DOK6: variants seen among roughly 807,000 people sequenced by gnomAD.
The protein encoded by DOK6 is downstream of tyrosine kinase 6.
A neutral mutation model predicts 44.0 loss-of-function variants in DOK6; 22 were observed. The observed-to-expected ratio is 0.50, with a 90% CI of 0.36 to 0.71. The LOEUF (loss-of-function observed/expected upper bound fraction) is 0.71, where lower values mean the gene tolerates loss of function less well. DOK6 is among the 30% of genes least tolerant of loss of function. The pLI, the probability that DOK6 is intolerant of heterozygous loss-of-function variation, is 0.00. For synonymous variants in DOK6, 166 were observed against 145.5 expected, an observed-to-expected ratio of 1.14 and a Z score of -1.01; for missense variants, 340 against 416.4, an observed-to-expected ratio of 0.82 and a Z score of 1.60.
At chr18:69,699,353 A>G (rs1389828452) in intron 5 of DOK6, among the ~76,000 whole-genome samples, 1 of 152,194 alleles carries the variant, frequency 6.6e-6, no homozygotes, top group Non-Finnish European at 1.5e-5. Flanking sequence ...ATTTGATATA[A>G]TATTTTTAAG....
chr18:69,675,104 T>A (rs1231913563), intron 3 of DOK6, among the ~76,000 whole-genome samples: 1 of 152,244 alleles, frequency 6.6e-6, no homozygotes, highest in Non-Finnish European at 1.5e-5. Context: ...TATCTGCTGG[T>A]AGGAGCCCAT....
intron 5 of DOK6, chr18:69,721,329 G>A (rs1033260353): frequency 3.3e-5 from 5 of 152,188 alleles, no homozygotes; most frequent in East Asian, 1.9e-4. Context: ...CCTGAAGAGC[G>A]AGAATTTTAT....
intron 7 of DOK6, among the ~76,000 whole-genome samples, chr18:69,762,087 G>A (rs1979575429): frequency 6.6e-6 from 1 of 152,186 alleles, no homozygotes; most frequent in Non-Finnish European, 1.5e-5. Flanking sequence ...TTGGCAGAAG[G>A]ATTGCTTGAG....
intron 3 of DOK6, among the ~76,000 whole-genome samples, chr18:69,677,418 ATTATT>A (rs1011046909): frequency 1.3e-5 from 2 of 151,486 alleles, no homozygotes; most frequent in African/African-American, 4.8e-5. Context: ...TGGCTAATTT[ATTATT>A]TTAAGTAAAT....
intron 3 of DOK6, among the ~76,000 whole-genome samples, chr18:69,645,952 C>T (rs1296668439): frequency 1.3e-5 from 2 of 152,044 alleles, no homozygotes; most frequent in Non-Finnish European, 2.9e-5. Context: ...ATTTTGTGAT[C>T]GAGGAGTCTG....
intron 7 of DOK6, among the ~76,000 whole-genome samples, chr18:69,825,264 A>G (rs1259083634): frequency 6.6e-6 from 1 of 152,154 alleles, no homozygotes; most frequent in Non-Finnish European, 1.5e-5. Context: ...CATTAAGTCA[A>G]TGTTATTAAT....
At chr18:69,640,369 G>T (rs901939096) in intron 3 of DOK6, among the ~76,000 whole-genome samples, 4 of 152,078 alleles carry the variant, frequency 2.6e-5, no homozygotes, top group African/African-American at 7.2e-5. Flanking sequence ...TTCATGAGAG[G>T]TACAATTGTA....
chr18:69,698,486 C>A lies in DOK6; in HGVS notation c.492C>A (p.Ile164=). The A allele has an allele frequency of 6.2e-7, 1 of 1,614,116 alleles. No individual in the cohort carries two copies. Among genetic ancestry groups the A allele is most frequent in the Non-Finnish European group, 8.5e-7 (1 of 1,179,970 alleles). The change falls in exon 5 of 8, where the codon ATC becomes ATA. Residue 164 remains isoleucine, a synonymous_variant. Coordinates refer to ENST00000382713, the MANE Select transcript of DOK6 (RefSeq NM_152721.6). ...ECTMQITHEN[I]YLWDIHNAKV... ...CAATGCAGATCACTCATGAAAATAT[C>A]TATCTCTGGGATATCCACAATGCCA...
intron 5 of DOK6, among the ~76,000 whole-genome samples, chr18:69,720,031 A>C (rs1358307042): frequency 6.6e-6 from 1 of 152,138 alleles, no homozygotes; most frequent in Non-Finnish European, 1.5e-5. Context: ...TCTACTAAAA[A>C]TACAAAAATT....
At chr18:69,626,488 G>T (rs1298658898) in intron 3 of DOK6, among the ~76,000 whole-genome samples, 1 of 152,156 alleles carries the variant, frequency 6.6e-6, no homozygotes, top group Non-Finnish European at 1.5e-5. Context: ...TAGGAATACA[G>T]CTGCAAACAA....
intron 3 of DOK6, among the ~76,000 whole-genome samples, chr18:69,657,267 A>G (rs933327229): frequency 1.3e-5 from 2 of 152,006 alleles, no homozygotes; most frequent in African/African-American, 4.8e-5. Context: ...AGAATATTAA[A>G]CCTCCCTTTC....
At chr18:69,735,928 A>G (rs1016137767) in intron 5 of DOK6, among the ~76,000 whole-genome samples, 2 of 152,174 alleles carry the variant, frequency 1.3e-5, no homozygotes, top group Admixed American at 1.3e-4. Flanking sequence ...GCCCACTATC[A>G]CATATATTAC....
chr18:69,633,819 T>C (rs1984743868), intron 3 of DOK6, among the ~76,000 whole-genome samples: 1 of 152,096 alleles, frequency 6.6e-6, no homozygotes, highest in South Asian at 2.1e-4. Context: ...TGTGAGACCA[T>C]TTAACAAATA....
In DOK6 at chr18:69,402,867, A is replaced by G. The variant is rs112757958; in HGVS notation, c.66+1557A>G. Among the ~76,000 whole-genome samples the G allele has an allele frequency of 7.5e-3, 1,136 of 152,290 alleles. 14 individuals are homozygous for G. Among genetic ancestry groups the G allele is most frequent in the African/African-American group, 0.025 (1,041 of 41,558 alleles). On this transcript the variant is annotated intron_variant, in intron 1 of 7. Transcript: ENST00000382713. The stretch of plus-strand genomic sequence containing the variant: ...GAAAGCGCCTCATTCTTTTCCAGGC[A>G]TATAAGGACGAACCCACGGGAAAAG...
chr18:69,449,034 A>T (rs1979377638), intron 1 of DOK6, among the ~76,000 whole-genome samples: 1 of 152,228 alleles, frequency 6.6e-6, no homozygotes, highest in Non-Finnish European at 1.5e-5. Context: ...AGGTATAACC[A>T]GGACTGTATT....
chr18:69,665,643 C>T (rs1568327062), intron 3 of DOK6, among the ~76,000 whole-genome samples: 1 of 152,084 alleles, frequency 6.6e-6, no homozygotes, highest in Non-Finnish European at 1.5e-5. Flanking sequence ...TGCTTTCTGC[C>T]CTAGAAGCTC....
chr18:69,593,794 C>A (rs1983676097), intron 2 of DOK6, among the ~76,000 whole-genome samples: 1 of 152,114 alleles, frequency 6.6e-6, no homozygotes, highest in Non-Finnish European at 1.5e-5. Context: ...GGAAAAGGTT[C>A]TCAAATAGAT....
chr18:69,416,044 T>G (rs1978332506), intron 1 of DOK6, among the ~76,000 whole-genome samples: 1 of 150,086 alleles, frequency 6.7e-6, no homozygotes, highest in African/African-American at 2.5e-5. Context: ...TTTCCAGATC[T>G]CTAGAAAAAT....
At chr18:69,643,559 C>G (rs550137257) in intron 3 of DOK6, 13 of 152,128 alleles carry the variant, frequency 8.5e-5, no homozygotes, top group African/African-American at 2.7e-4. Flanking sequence ...AGCCTGATTC[C>G]CTTCTGACAG....
Sources: allele counts gnomAD v4.1 joint callset (sites outside exome capture counted in the v4.1 genomes callset), GRCh38; gene constraint gnomAD v4.1.1; transcripts MANE v1.5; gene names NCBI Gene and HGNC (gene_info 2026-07-23, HGNC 2026-07-21).